Variants in ADAM2 observed in about 807,000 individuals in gnomAD.
ADAM2 encodes disintegrin and metalloproteinase domain-containing protein 2.
A neutral mutation model predicts 99.3 loss-of-function variants in ADAM2; 101 were observed. The observed-to-expected ratio is 1.02, with a 90% CI of 0.87 to 1.20. The LOEUF is 1.20. Among genes scored for constraint, ADAM2 ranks in the 50% most tolerant of loss-of-function variants. ADAM2 has a pLI of 0.00. For synonymous variants in ADAM2, 323 were observed against 287.6 expected (o/e 1.12, Z -1.25); for missense variants, 948 against 878.7 (o/e 1.08, Z -1.00).
At chr8:39,788,312 T>C (rs901995603) in intron 8 of ADAM2, 61 bp from the exon 9 acceptor site, 3 of 1,105,930 alleles carry the variant, frequency 2.7e-6, no homozygotes, top group African/African-American at 1.6e-5. Context: ...ATTAGATATA[T>C]ATGTTTGAAA....
chr8:39,750,096 A>G (rs753911494), intron 16 of ADAM2, among the ~76,000 whole-genome samples: 9 of 152,186 alleles, frequency 5.9e-5, no homozygotes, highest in Non-Finnish European at 1.0e-4. Context: ...TGTGTCAAAT[A>G]TTTGAGAACA....
In ADAM2 at chr8:39,821,013, G is replaced by T; in HGVS notation, c.502C>A (p.Gln168Lys). 6.3e-7 allele frequency: 1 copy of T among 1,591,230 alleles called. No individual in the cohort carries two copies. The highest frequency in any genetic ancestry group is 8.6e-7 in the Non-Finnish European group (1 of 1,166,250). ...AATTAATCACCTACCTCTACGCTTTGTAATTTAAAGGACAGATCTCTTGAT... is the reference window on the plus strand; with the variant it reads ...AATTAATCACCTACCTCTACGCTTTTTAATTTAAAGGACAGATCTCTTGAT... ...IESRDLSFKL[Q>K]SVEPQQDFAK... is the part of the protein sequence containing the mutation. The change falls in exon 6 of 21, where the codon CAA becomes AAA. Residue 168 changes from glutamine to lysine, a missense_variant. Gln to Lys is a moderately conservative substitution (Grantham distance 53, BLOSUM62 1). Transcript: ENST00000265708.
intron 7 of ADAM2, among the ~76,000 whole-genome samples, chr8:39,791,183 T>C (rs1009410797): frequency 1.3e-5 from 2 of 151,936 alleles, no homozygotes; most frequent in Admixed American, 6.6e-5. Context: ...GGAGAGATAA[T>C]AGCCAAGCCA....
At chr8:39,781,849 C>T (rs1026215380) in intron 10 of ADAM2, among the ~76,000 whole-genome samples, 6 of 152,052 alleles carry the variant, frequency 3.9e-5, no homozygotes, top group East Asian at 1.9e-4. Context: ...ATTATGACAA[C>T]GTGGTGTTGG....
intron 14 of ADAM2, among the ~76,000 whole-genome samples, chr8:39,764,983 A>T (rs551833669): frequency 6.6e-6 from 1 of 152,192 alleles, no homozygotes; most frequent in Non-Finnish European, 1.5e-5. Flanking sequence ...AGATCACACC[A>T]CTGCACTCCA....
chr8:39,817,278 G>C (rs1219349892), intron 6 of ADAM2, among the ~76,000 whole-genome samples: 1 of 152,132 alleles, frequency 6.6e-6, no homozygotes, highest in East Asian at 1.9e-4. Context: ...TTGGCAACTA[G>C]AAAAGTTGAG....
intron 11 of ADAM2, among the ~76,000 whole-genome samples, chr8:39,775,848 A>T (rs1802966469): frequency 6.6e-6 from 1 of 152,080 alleles, no homozygotes; most frequent in Admixed American, 6.6e-5. Flanking sequence ...TTATACATAT[A>T]TTTTTGTGGC....
At chr8:39,833,860 A>G in intron 3 of ADAM2, 84 bp downstream of exon 3, 1 of 790,196 alleles carries the variant, frequency 1.3e-6, no homozygotes, top group South Asian at 1.5e-5. Context: ...ATTTTCAAAT[A>G]CAAAATAATT....
rs1586142808 is a variant in ADAM2 at position 39,812,848 on chromosome 8, C to T, written c.514-3382G>A. Among the ~76,000 whole-genome samples the T allele has an allele frequency of 6.6e-5, 10 of 152,258 alleles. No individual in the cohort carries two copies. In the South Asian group the frequency reaches 1.9e-3, roughly 28 times the overall value. On this transcript the variant is annotated intron_variant, in intron 6 of 20. Coordinates refer to ENST00000265708, the MANE Select transcript of ADAM2 (RefSeq NM_001464.5). Reference sequence around the variant, plus strand: ...AAAACCTAGGCAATACCATTCAGGACATAGGCATGGGCAAGGACTTCAGGA... The same window carrying T: ...AAAACCTAGGCAATACCATTCAGGATATAGGCATGGGCAAGGACTTCAGGA...
chr8:39,765,870 C>T (rs1301140816), intron 14 of ADAM2, among the ~76,000 whole-genome samples: 1 of 152,152 alleles, frequency 6.6e-6, no homozygotes, highest in Non-Finnish European at 1.5e-5. Context: ...CAACTTGTTC[C>T]AGTTGAGAAT....
chr8:39,783,113 C>T (rs1190656392), intron 10 of ADAM2, among the ~76,000 whole-genome samples: 4 of 152,074 alleles, frequency 2.6e-5, no homozygotes, highest in Admixed American at 2.6e-4. Flanking sequence ...ATTTTATTTG[C>T]AAATCTTTCG....
At chr8:39,786,811 T>C (rs557093894) in intron 10 of ADAM2, among the ~76,000 whole-genome samples, 163 bp downstream of exon 10, 1 of 152,190 alleles carries the variant, frequency 6.6e-6, no homozygotes, top group Non-Finnish European at 1.5e-5. Flanking sequence ...TTATACATAG[T>C]GAATTGAATG....
At chr8:39,829,235 C>A (rs974108774) in intron 3 of ADAM2, among the ~76,000 whole-genome samples, 2 of 151,794 alleles carry the variant, frequency 1.3e-5, no homozygotes, top group African/African-American at 4.8e-5. Context: ...ATACAAGATA[C>A]AAATATAACT....
intron 14 of ADAM2, among the ~76,000 whole-genome samples, chr8:39,763,256 A>G (rs1370396950): frequency 1.3e-5 from 2 of 152,238 alleles, no homozygotes; most frequent in Non-Finnish European, 2.9e-5. Context: ...GAGTGAGGTA[A>G]ATTAGATAGG....
chr8:39,772,170 CT>C (rs1486379243), intron 11 of ADAM2, among the ~76,000 whole-genome samples: 26 of 149,966 alleles, frequency 1.7e-4, no homozygotes, highest in African/African-American at 5.6e-4. Flanking sequence ...GATTAGAGTA[CT>C]TTTTTGCAGC....
intron 16 of ADAM2, among the ~76,000 whole-genome samples, chr8:39,750,124 G>A (rs1823668512): frequency 6.6e-6 from 1 of 152,104 alleles, no homozygotes; most frequent in East Asian, 1.9e-4. Flanking sequence ...CCTTCTCATT[G>A]AGCCCTGATG....
intron 11 of ADAM2, among the ~76,000 whole-genome samples, chr8:39,772,578 T>C (rs528292973): frequency 5.3e-5 from 8 of 152,164 alleles, no homozygotes; most frequent in African/African-American, 1.9e-4. Flanking sequence ...AAATAAACTT[T>C]TCTTTGATTG....
intron 14 of ADAM2, among the ~76,000 whole-genome samples, chr8:39,765,189 C>T (rs1353702728): frequency 6.6e-6 from 1 of 152,092 alleles, no homozygotes; most frequent in Non-Finnish European, 1.5e-5. Context: ...TTATAAACTG[C>T]TTGAAGTTTG....
At position 39,838,180 on chromosome 8, in the gene ADAM2, C is replaced by T. The variant is rs766606554; in HGVS notation, c.6G>A (p.Trp2Ter). The T allele has an allele frequency of 3.1e-6, 5 of 1,614,006 alleles. No individual in the cohort carries two copies. Among genetic ancestry groups the T allele is most frequent in the Non-Finnish European group, 4.2e-6 (5 of 1,180,026 alleles). M[W>*]RVLFLLSGLG... is the part of the protein sequence containing the mutation. ...GCCCGCTGAGCAGAAACAAGACGCGCCACATGGCTTGAAGTCCTGGGTCCC... is the reference window on the plus strand; with the variant it reads ...GCCCGCTGAGCAGAAACAAGACGCGTCACATGGCTTGAAGTCCTGGGTCCC... Residue 2 changes from tryptophan (W) to a stop codon, truncating the protein, a stop_gained, in exon 1 of 21, where the codon TGG becomes TGA. Coordinates refer to ENST00000265708, the MANE Select transcript of ADAM2 (RefSeq NM_001464.5). LOFTEE classifies it high-confidence loss of function.
Sources: gnomAD v4.1 joint callset for allele counts (sites outside exome capture counted in the v4.1 genomes callset) on GRCh38, gnomAD v4.1.1 for gene constraint, MANE v1.5 for transcripts, NCBI Gene and HGNC (gene_info 2026-07-23, HGNC 2026-07-21) for gene names.